Variants in RAB3GAP1 observed in about 807,000 individuals in gnomAD.
RAB3GAP1 encodes RAB3 GTPase activating protein catalytic subunit 1.
Under a neutral mutation model 130.7 loss-of-function variants are expected in RAB3GAP1, and 86 were observed. The ratio of observed to expected loss-of-function variants is 0.66; its 90% confidence interval spans 0.55 to 0.79. RAB3GAP1 has a LOEUF of 0.79. Ranked by LOEUF, RAB3GAP1 falls within the 30% of genes least tolerant of loss-of-function variation. The probability of loss-of-function intolerance (pLI) is 0.00; values close to 1 mark genes in which losing one functional copy is unlikely to be tolerated. For synonymous variants in RAB3GAP1, 367 were observed against 401.7 expected, an observed-to-expected ratio of 0.91 and a Z score of 1.03; for missense variants, 1,029 against 1,169.4, an observed-to-expected ratio of 0.88 and a Z score of 1.75.
rs551097695 is a variant in RAB3GAP1 at position 135,138,688 on chromosome 2, A to G, written c.1923+2756A>G. Among the ~76,000 whole-genome samples the G allele has an allele frequency of 1.6e-3, 241 of 151,142 alleles. 1 individual carries two copies. Among genetic ancestry groups the G allele is most frequent in the African/African-American group, 5.6e-3 (229 of 41,090 alleles). ...CAGTGGCATGATCATGGCTCACTGC[A>G]GCCTTGACTTGCTGGGCTCAAGTGA... On this transcript the variant is annotated intron_variant, in intron 17 of 23. Coordinates refer to ENST00000264158, the MANE Select transcript of RAB3GAP1 (RefSeq NM_012233.3).
At chr2:135,139,018 T>G (rs1421113335) in intron 17 of RAB3GAP1, among the ~76,000 whole-genome samples, 3 of 152,214 alleles carry the variant, frequency 2.0e-5, no homozygotes, top group Non-Finnish European at 4.4e-5. Flanking sequence ...TTTCTGAATT[T>G]TCATGAACCT....
At chr2:135,052,388 C>T in intron 1 of RAB3GAP1, 42 bp from the exon 2 acceptor site, 3 of 1,614,152 alleles carry the variant, frequency 1.9e-6, no homozygotes, top group Non-Finnish European at 1.7e-6. Context: ...ATGTCTTCGC[C>T]TTGGGGCTTA....
intron 3 of RAB3GAP1, among the ~76,000 whole-genome samples, chr2:135,087,999 G>A (rs772646746): frequency 4.6e-5 from 7 of 152,160 alleles, no homozygotes; most frequent in Non-Finnish European, 1.0e-4. Flanking sequence ...AATTGAATAT[G>A]GGATGTTAGA....
chr2:135,117,585 TCTTCTTCTG>T (rs1691036618), intron 7 of RAB3GAP1, among the ~76,000 whole-genome samples: 2 of 130,404 alleles, frequency 1.5e-5, no homozygotes, highest in African/African-American at 2.9e-5. Context: ...TTCTTCTGCT[TCTTCTTCTG>T]CTGCTTCTTC....
intron 3 of RAB3GAP1, among the ~76,000 whole-genome samples, chr2:135,074,342 C>G (rs1689561609): frequency 6.6e-6 from 1 of 152,206 alleles, no homozygotes. Flanking sequence ...CAGGAGAGAG[C>G]CTTCCTCCCT....
intron 19 of RAB3GAP1, among the ~76,000 whole-genome samples, chr2:135,161,468 A>C (rs1444440994): frequency 6.6e-6 from 1 of 152,192 alleles, no homozygotes; most frequent in Non-Finnish European, 1.5e-5. Flanking sequence ...AAAAGTAAAC[A>C]ATATATTATT....
At chr2:135,133,018 T>C (rs1441210361) in intron 14 of RAB3GAP1, 34 bp downstream of exon 14, 1 of 1,201,664 alleles carries the variant, frequency 8.3e-7, no homozygotes, top group South Asian at 1.2e-5. Context: ...TTAAAATGTT[T>C]TAAATGCACT....
intron 3 of RAB3GAP1, among the ~76,000 whole-genome samples, chr2:135,083,906 A>G (rs189517820): frequency 6.6e-6 from 1 of 150,564 alleles, no homozygotes; most frequent in Non-Finnish European, 1.5e-5. Context: ...CTGTTAGTAT[A>G]CCTTTTTTAG....
intron 18 of RAB3GAP1, among the ~76,000 whole-genome samples, chr2:135,151,030 A>G (rs1248076811): frequency 6.6e-6 from 1 of 152,256 alleles, no homozygotes; most frequent in Non-Finnish European, 1.5e-5. Context: ...AAGGTTTCTC[A>G]GAAGAGTCAC....
intron 5 of RAB3GAP1, among the ~76,000 whole-genome samples, chr2:135,107,896 A>G (rs554692996): frequency 6.8e-6 from 1 of 147,252 alleles, no homozygotes; most frequent in Middle Eastern, 3.6e-3. Context: ...AATCACTTGA[A>G]CCTGGGAGAT....
At position 135,169,531 on chromosome 2, in the gene RAB3GAP1, C is replaced by T. The variant is rs541932698; in HGVS notation, c.*750C>T. ...AAGTTATGGCCCTGAAAATCGTCTC[C>T]CTCCCCTTCTCTTGCTGTACAGCAT... On this transcript the variant is annotated 3_prime_UTR_variant, in exon 24 of 24. Transcript: ENST00000264158. 1.1e-5 allele frequency: 2 copies of T among 184,340 alleles called. No individual in the cohort carries two copies. Among genetic ancestry groups the T allele is most frequent in the Non-Finnish European group, 2.3e-5 (2 of 87,230 alleles). The allele number at this position is 184,340 out of a possible 1,614,324, so 11.4% of individuals were successfully genotyped here. A position where few individuals can be genotyped will look rare whatever the true frequency, so the allele number is the denominator to read the frequency against.
rs755683302 is a variant in RAB3GAP1, at chr2:135,162,772, T to C, written c.2411T>C (p.Val804Ala). Reference protein sequence around the residue: ...EEESLENISSVKKIIKQIISH... With the variant: ...EEESLENISSAKKIIKQIISH... ...GAAAGTCTCGAAAACATTTCTTCAG[T>C]TAAGAAGATCATAAAGCAGATAATA... Residue 804 changes from valine to alanine, a missense_variant, in exon 21 of 24, where the codon GTT becomes GCT. Physicochemically the swap from Val to Ala is moderately conservative, Grantham distance 64. This residue lies in a region of RAB3GAP1 where 373 missense variants were observed against 493.6 expected (regional missense o/e 0.76). Coordinates refer to ENST00000264158, the MANE Select transcript of RAB3GAP1 (RefSeq NM_012233.3). 3 of 1,613,524 alleles carry C rather than the reference T, an allele frequency of 1.9e-6. No individual in the cohort carries two copies. The highest frequency in any genetic ancestry group is 2.5e-6 in the Non-Finnish European group (3 of 1,179,510).
At chr2:135,160,429 T>C (rs1692433569) in intron 19 of RAB3GAP1, among the ~76,000 whole-genome samples, 1 of 151,966 alleles carries the variant, frequency 6.6e-6, no homozygotes, top group African/African-American at 2.4e-5. Flanking sequence ...CTCAGCACTT[T>C]GGGAGGTTGA....
At chr2:135,085,073 G>GT (rs1689935062) in intron 3 of RAB3GAP1, among the ~76,000 whole-genome samples, 5 of 152,142 alleles carry the variant, frequency 3.3e-5, no homozygotes. Flanking sequence ...AGGCATAATT[G>GT]TAATACAAGG....
chr2:135,162,094 AT>A (rs1419219234), intron 19 of RAB3GAP1, among the ~76,000 whole-genome samples: 10 of 152,200 alleles, frequency 6.6e-5, no homozygotes, highest in African/African-American at 2.2e-4. Context: ...TGGAAAAAAA[AT>A]AAACCAAAAC....
At chr2:135,152,124 T>C (rs1180607604) in intron 18 of RAB3GAP1, among the ~76,000 whole-genome samples, 1 of 152,258 alleles carries the variant, frequency 6.6e-6, no homozygotes, top group Non-Finnish European at 1.5e-5. Flanking sequence ...AAATATGTAG[T>C]TATTCTAAAA....
At chr2:135,142,819 T>C (rs1012676326) in intron 17 of RAB3GAP1, among the ~76,000 whole-genome samples, 7 of 152,098 alleles carry the variant, frequency 4.6e-5, no homozygotes, top group African/African-American at 1.7e-4. Flanking sequence ...TTTTTGAGTA[T>C]TAAAACATCC....
chr2:135,130,409 A>G lies in RAB3GAP1; in HGVS notation c.1067-143A>G, dbSNP rs568864744. On this transcript the variant is annotated intron_variant, in intron 12 of 23. Coordinates refer to ENST00000264158, the MANE Select transcript of RAB3GAP1 (RefSeq NM_012233.3). ...TGCTTGCACATAAAGCTGAACATGT[A>G]TATTAATATTTTATAATTCCAAGAC... 73 of 718,302 alleles carry G rather than the reference A, an allele frequency of 1.0e-4. No homozygotes were observed. The Middle Eastern group carries it at 2.8e-3, about 28-fold the overall frequency. The allele number at this position is 718,302 out of a possible 1,614,324, so 44.5% of individuals were successfully genotyped here. A position where few individuals can be genotyped will look rare whatever the true frequency, so the allele number is the denominator to read the frequency against.
At chr2:135,071,459 T>G (rs1274610145) in intron 3 of RAB3GAP1, among the ~76,000 whole-genome samples, 2 of 152,108 alleles carry the variant, frequency 1.3e-5, no homozygotes, top group Non-Finnish European at 2.9e-5. Flanking sequence ...TTTGAATTCC[T>G]TTCTGTTGTG....
Sources: gnomAD v4.1 joint callset for allele counts (sites outside exome capture counted in the v4.1 genomes callset) on GRCh38, gnomAD v4.1.1 for gene constraint, gnomAD v4.1.1 regional missense constraint, MANE v1.5 for transcripts, NCBI Gene and HGNC (gene_info 2026-07-23, HGNC 2026-07-21) for gene names.